CAST: variants seen among roughly 807,000 people sequenced by gnomAD.
The protein encoded by CAST is calpastatin, also known as MIR583 host.
In CAST, 76 loss-of-function variants were observed where a neutral mutation model predicts 119.6. The observed-to-expected ratio is 0.64, with a 90% CI of 0.53 to 0.77. The LOEUF is 0.77. Among genes scored for constraint, CAST ranks in the 30% least tolerant of loss-of-function variants. The pLI, the probability that CAST is intolerant of heterozygous loss-of-function variation, is 0.00. For synonymous variants in CAST, 319 were observed against 331.6 expected, an observed-to-expected ratio of 0.96 and a Z score of 0.41; for missense variants, 953 against 946.5, an observed-to-expected ratio of 1.01 and a Z score of -0.09.
At chr5:96,147,385 A>G in the CAST span, among the ~76,000 whole-genome samples, 1 of 152,132 alleles carries the variant, frequency 6.6e-6, no homozygotes, top group Non-Finnish European at 1.5e-5. Flanking sequence ...CGGGCGGATC[A>G]CGAGGTCAGG....
the CAST span, among the ~76,000 whole-genome samples, chr5:96,176,173 A>G: frequency 6.6e-6 from 1 of 152,076 alleles, no homozygotes; most frequent in African/African-American, 2.4e-5. Flanking sequence ...ACAGAGGAAC[A>G]TGTGCAAAGG....
chr5:96,439,982 A>G, the CAST span, among the ~76,000 whole-genome samples: 1 of 152,150 alleles, frequency 6.6e-6, no homozygotes, highest in East Asian at 1.9e-4. Flanking sequence ...ACTAAAGCAG[A>G]AGTGGCCCAC....
At chr5:96,365,295 A>G in the CAST span, among the ~76,000 whole-genome samples, 1 of 152,210 alleles carries the variant, frequency 6.6e-6, no homozygotes. Flanking sequence ...AAGAATGTAT[A>G]ATCTGTTGAT....
At chr5:96,647,699 G>A (rs564073113) in intron 1 of CAST, among the ~76,000 whole-genome samples, 2 of 152,118 alleles carry the variant, frequency 1.3e-5, no homozygotes, top group East Asian at 3.8e-4. Flanking sequence ...CACACACCGG[G>A]AGAACACCGT....
chr5:96,771,587 C>T (rs1043568699), intron 30 of CAST, 57 bp from the exon 31 acceptor site: 17 of 1,337,696 alleles, frequency 1.3e-5, no homozygotes, highest in East Asian at 1.2e-4. Context: ...AGAAGGCCAT[C>T]TCCTCATACT....
chr5:96,152,987 TG>T, the CAST span, among the ~76,000 whole-genome samples: 1 of 152,216 alleles, frequency 6.6e-6, no homozygotes, highest in Non-Finnish European at 1.5e-5. Context: ...TTTAAAAAAT[TG>T]AATTAGGGTG....
chr5:96,678,410 T>G (rs535542131), intron 2 of CAST, among the ~76,000 whole-genome samples: 20 of 152,302 alleles, frequency 1.3e-4, no homozygotes, highest in African/African-American at 4.8e-4. Context: ...TCTTCACAGT[T>G]TTTCTTCTCT....
At chr5:96,408,919 A>T in the CAST span, among the ~76,000 whole-genome samples, 4 of 152,304 alleles carry the variant, frequency 2.6e-5, no homozygotes, top group South Asian at 8.3e-4. Flanking sequence ...TTAAAATGGA[A>T]AGTGTGCTGG....
the CAST span, among the ~76,000 whole-genome samples, chr5:96,302,531 C>T: frequency 1.3e-5 from 2 of 152,108 alleles, no homozygotes; most frequent in African/African-American, 4.8e-5. Context: ...ATAAGTTCCA[C>T]TTTCAGGTCA....
At chr5:96,201,322 G>C in the CAST span, among the ~76,000 whole-genome samples, 2 of 152,088 alleles carry the variant, frequency 1.3e-5, no homozygotes, top group Admixed American at 1.3e-4. Flanking sequence ...TTTCTAATGA[G>C]TTTAGAGAAT....
intron 30 of CAST, among the ~76,000 whole-genome samples, chr5:96,770,833 T>A (rs1772036212): frequency 6.6e-6 from 1 of 152,184 alleles, no homozygotes; most frequent in African/African-American, 2.4e-5. Flanking sequence ...CAACCCAATT[T>A]GCCTGTGTTT....
At chr5:96,018,106 A>C in the CAST span, among the ~76,000 whole-genome samples, 1 of 152,196 alleles carries the variant, frequency 6.6e-6, no homozygotes, top group South Asian at 2.1e-4. Flanking sequence ...TTCTGCAAGA[A>C]GTTTGTAAGG....
the CAST span, among the ~76,000 whole-genome samples, chr5:96,390,069 T>G: frequency 6.6e-6 from 1 of 152,216 alleles, no homozygotes; most frequent in South Asian, 2.1e-4. Context: ...TTCTCTTACA[T>G]GTAGTAAGTC....
chr5:96,209,146 C>T, the CAST span, among the ~76,000 whole-genome samples: 32 of 151,488 alleles, frequency 2.1e-4, no homozygotes, highest in African/African-American at 7.5e-4. Flanking sequence ...GAGCCCCTCC[C>T]TTTTTTTTCT....
the CAST span, among the ~76,000 whole-genome samples, chr5:96,154,105 G>A: frequency 2.0e-5 from 3 of 151,800 alleles, no homozygotes; most frequent in Non-Finnish European, 4.4e-5. Context: ...GTGAAACCCC[G>A]TCTCTACTAA....
the CAST span, among the ~76,000 whole-genome samples, chr5:96,381,031 T>A: frequency 6.6e-6 from 1 of 152,226 alleles, no homozygotes; most frequent in African/African-American, 2.4e-5. Context: ...ACTATGTTCC[T>A]TCCTTTTTCA....
chr5:96,468,459 A>C, the CAST span, among the ~76,000 whole-genome samples: 1 of 152,100 alleles, frequency 6.6e-6, no homozygotes, highest in Non-Finnish European at 1.5e-5. Context: ...TCCCTGATGA[A>C]TGTTAGTGGG....
chr5:96,120,433 C>G, the CAST span, among the ~76,000 whole-genome samples: 1 of 151,992 alleles, frequency 6.6e-6, no homozygotes, highest in South Asian at 2.1e-4. Context: ...GTTTGCAAGT[C>G]TGGTTTTCTA....
intron 1 of CAST, among the ~76,000 whole-genome samples, chr5:96,618,525 T>C (rs2607157): frequency 0.73 from 110,484 of 152,198 alleles, 40,564 homozygotes; most frequent in African/African-American, 0.83. Context: ...GACGCACGGG[T>C]GGGAACCGGG....
Sources: gnomAD v4.1 joint callset for allele counts (sites outside exome capture counted in the v4.1 genomes callset) on GRCh38, gnomAD v4.1.1 for gene constraint, MANE v1.5 for transcripts, NCBI Gene and HGNC (gene_info 2026-07-23, HGNC 2026-07-21) for gene names.